The following SLC24A3 variants were observed in gnomAD, a reference collection of about 807,000 sequenced individuals.
The protein encoded by SLC24A3 is solute carrier family 24 member 3, also known as sodium/potassium/calcium exchanger 3.
Under a neutral mutation model 75.8 loss-of-function variants are expected in SLC24A3, and 28 were observed. That is an observed-to-expected ratio of 0.37 (90% CI 0.27 to 0.51). The LOEUF (loss-of-function observed/expected upper bound fraction) is 0.51, where lower values mean the gene tolerates loss of function less well. Ranked by LOEUF, SLC24A3 falls within the 20% of genes least tolerant of loss-of-function variation. The probability of loss-of-function intolerance (pLI) is 0.94; values close to 1 mark genes in which losing one functional copy is unlikely to be tolerated. For synonymous variants in SLC24A3, 372 were observed against 334.1 expected, an observed-to-expected ratio of 1.11 and a Z score of -1.24; for missense variants, 663 against 847.8, an observed-to-expected ratio of 0.78 and a Z score of 2.71.
At chr20:19,580,116 G>C in intron 4 of SLC24A3, 42 bp downstream of exon 4, 1 of 1,546,942 alleles carries the variant, frequency 6.5e-7, no homozygotes, top group Non-Finnish European at 8.9e-7. Context: ...CCAGACTGGG[G>C]ACTGGACCTG....
chr20:19,296,990 T>A (rs1353113120), intron 2 of SLC24A3, among the ~76,000 whole-genome samples: 3 of 152,214 alleles, frequency 2.0e-5, no homozygotes, highest in Non-Finnish European at 2.9e-5. Flanking sequence ...GCCAGCTGTA[T>A]TTTCTTCTCC....
At chr20:19,699,042 G>A (rs759271589) in intron 15 of SLC24A3, among the ~76,000 whole-genome samples, 6 of 152,166 alleles carry the variant, frequency 3.9e-5, no homozygotes, top group East Asian at 1.9e-4. Flanking sequence ...AACAGAAACC[G>A]AAGTTTGAAT....
intron 6 of SLC24A3, among the ~76,000 whole-genome samples, chr20:19,586,711 G>T (rs1191776827): frequency 6.6e-6 from 1 of 152,172 alleles, no homozygotes; most frequent in Non-Finnish European, 1.5e-5. Flanking sequence ...ATTGCCTGGT[G>T]TGTCAGTTGC....
At chr20:19,563,787 A>G (rs1231992186) in intron 3 of SLC24A3, among the ~76,000 whole-genome samples, 1 of 152,200 alleles carries the variant, frequency 6.6e-6, no homozygotes, top group Non-Finnish European at 1.5e-5. Flanking sequence ...AATCTTGATA[A>G]TTTTAACCAG....
chr20:19,671,946 G>A (rs1370645522), intron 8 of SLC24A3, among the ~76,000 whole-genome samples: 1 of 152,128 alleles, frequency 6.6e-6, no homozygotes, highest in Non-Finnish European at 1.5e-5. Flanking sequence ...GAAGCTGGGG[G>A]CAGGAAGGAA....
chr20:19,574,414 C>A (rs2031099975), intron 3 of SLC24A3, among the ~76,000 whole-genome samples: 3 of 152,232 alleles, frequency 2.0e-5, no homozygotes, highest in African/African-American at 4.8e-5. Context: ...AATGGCCTCA[C>A]AACTTCAGTG....
chr20:19,504,978 G>C (rs1156406457), intron 2 of SLC24A3, among the ~76,000 whole-genome samples: 1 of 152,214 alleles, frequency 6.6e-6, no homozygotes, highest in African/African-American at 2.4e-5. Flanking sequence ...CTGGCTCAAA[G>C]ACATGAGCAG....
intron 3 of SLC24A3, among the ~76,000 whole-genome samples, chr20:19,547,859 C>T (rs1333682053): frequency 6.6e-6 from 1 of 152,230 alleles, no homozygotes; most frequent in African/African-American, 2.4e-5. Context: ...TTAAAGAGAT[C>T]TCCTTTGGGC....
Position 19,358,220 on chromosome 20 carries a change from G to A in SLC24A3, c.271+77133G>A, listed in dbSNP as rs12185777. On this transcript the variant is annotated intron_variant, in intron 2 of 16. Coordinates refer to ENST00000328041, the MANE Select transcript of SLC24A3 (RefSeq NM_020689.4). ...ATGACCTGGGGTGCCTTTGGGCTGAGGCAGGTGATACATGAGCAAGGAGGT... is the reference window on the plus strand; with the variant it reads ...ATGACCTGGGGTGCCTTTGGGCTGAAGCAGGTGATACATGAGCAAGGAGGT... Among the ~76,000 whole-genome samples, 1,290 of 152,312 alleles carry A rather than the reference G, an allele frequency of 8.5e-3. 10 individuals carry two copies. Among genetic ancestry groups the A allele is most frequent in the Middle Eastern group, 0.02 (6 of 294 alleles).
chr20:19,593,361 C>T (rs530852535), intron 6 of SLC24A3, among the ~76,000 whole-genome samples: 229 of 152,282 alleles, frequency 1.5e-3, no homozygotes, highest in Non-Finnish European at 2.4e-3. Context: ...CCCTCTGCCC[C>T]GCAAGTAGCT....
At chr20:19,614,639 T>C (rs2122667562) in intron 6 of SLC24A3, among the ~76,000 whole-genome samples, 1 of 152,374 alleles carries the variant, frequency 6.6e-6, no homozygotes, top group Middle Eastern at 3.4e-3. Flanking sequence ...CAGCAGGTTC[T>C]TATTAACCAA....
At chr20:19,238,876 TC>T (rs1206487642) in intron 1 of SLC24A3, among the ~76,000 whole-genome samples, 1 of 151,970 alleles carries the variant, frequency 6.6e-6, no homozygotes, top group Non-Finnish European at 1.5e-5. Context: ...TTTCTCCTCC[TC>T]CTGTCCTTCT....
At chr20:19,455,306 G>T (rs552399916) in intron 2 of SLC24A3, among the ~76,000 whole-genome samples, 1 of 152,184 alleles carries the variant, frequency 6.6e-6, no homozygotes, top group Non-Finnish European at 1.5e-5. Flanking sequence ...TTGATCTTAT[G>T]ACGTTTATTT....
chr20:19,259,914 A>G (rs1022033693), intron 1 of SLC24A3, among the ~76,000 whole-genome samples: 1 of 152,116 alleles, frequency 6.6e-6, no homozygotes, highest in Non-Finnish European at 1.5e-5. Context: ...TCTCCCTCCC[A>G]TGTCTCAGAT....
At chr20:19,352,635 C>G (rs1226333706) in intron 2 of SLC24A3, among the ~76,000 whole-genome samples, 1 of 152,226 alleles carries the variant, frequency 6.6e-6, no homozygotes, top group Non-Finnish European at 1.5e-5. Flanking sequence ...TCAGATCCCT[C>G]TTTCTTGGTT....
chr20:19,449,115 G>A (rs1348339031), intron 2 of SLC24A3, among the ~76,000 whole-genome samples: 2 of 152,186 alleles, frequency 1.3e-5, no homozygotes, highest in Non-Finnish European at 2.9e-5. Flanking sequence ...CCATCAAGGG[G>A]CAACATCCAG....
chr20:19,513,086 T>C (rs1352711608), intron 2 of SLC24A3, among the ~76,000 whole-genome samples: 1 of 152,030 alleles, frequency 6.6e-6, no homozygotes, highest in African/African-American at 2.4e-5. Flanking sequence ...AAACACCCTG[T>C]GGCAGCTACA....
At chr20:19,519,108 C>T (rs776736853) in intron 3 of SLC24A3, among the ~76,000 whole-genome samples, 32 of 152,100 alleles carry the variant, frequency 2.1e-4, no homozygotes, top group Non-Finnish European at 4.1e-4. Context: ...GACCAGAGGG[C>T]CTAGTCCTTG....
chr20:19,630,760 C>G (rs537855876), intron 6 of SLC24A3, among the ~76,000 whole-genome samples: 1 of 152,230 alleles, frequency 6.6e-6, no homozygotes, highest in East Asian at 1.9e-4. Context: ...AGTGTCTATA[C>G]TGGAAAAGAC....
Sources: allele counts gnomAD v4.1 joint callset (sites outside exome capture counted in the v4.1 genomes callset), GRCh38; gene constraint gnomAD v4.1.1; transcripts MANE v1.5; gene names NCBI Gene and HGNC (gene_info 2026-07-23, HGNC 2026-07-21).